Variants in LHFPL6 observed in about 807,000 individuals in gnomAD.
LHFPL6 encodes LHFPL tetraspan subfamily member 6.
Under a neutral mutation model 20.6 loss-of-function variants are expected in LHFPL6, and 9 were observed. The ratio of observed to expected loss-of-function variants is 0.44; its 90% CI spans 0.26 to 0.76. The LOEUF (loss-of-function observed/expected upper bound fraction) is 0.76, where lower values mean the gene tolerates loss of function less well. LHFPL6 is among the 30% of genes least tolerant of loss of function. The pLI is 0.20. For synonymous variants in LHFPL6, 105 were observed against 98.7 expected, an observed-to-expected ratio of 1.06 and a Z score of -0.38; for missense variants, 218 against 253.5, an observed-to-expected ratio of 0.86 and a Z score of 0.95.
At chr13:39,573,607 C>G (rs892216374) in intron 2 of LHFPL6, among the ~76,000 whole-genome samples, 14 of 151,960 alleles carry the variant, frequency 9.2e-5, no homozygotes, top group African/African-American at 3.4e-4. Context: ...TAACTTTTTA[C>G]AAAATACTTT....
intron 2 of LHFPL6, among the ~76,000 whole-genome samples, chr13:39,517,963 T>A (rs781541365): frequency 6.6e-6 from 1 of 152,210 alleles, no homozygotes; most frequent in South Asian, 2.1e-4. Context: ...GCCTGTGCCA[T>A]CTTCTCTAGC....
chr13:39,504,742 T>C (rs1292896980), intron 2 of LHFPL6, among the ~76,000 whole-genome samples: 1 of 152,258 alleles, frequency 6.6e-6, no homozygotes. Flanking sequence ...TCTGAGGTAC[T>C]GAAGGTTAGT....
chr13:39,552,735 G>GA (rs1382155014), intron 2 of LHFPL6, among the ~76,000 whole-genome samples: 2 of 152,332 alleles, frequency 1.3e-5, no homozygotes, highest in East Asian at 3.9e-4. Flanking sequence ...CAGCAACAGT[G>GA]AAAAAACAGC....
At chr13:39,562,101 A>T (rs1306738500) in intron 2 of LHFPL6, among the ~76,000 whole-genome samples, 1 of 152,178 alleles carries the variant, frequency 6.6e-6, no homozygotes, top group Admixed American at 6.5e-5. Context: ...GCATTTTAGC[A>T]TAAGAATATT....
chr13:39,425,175 T>A (rs546888935), intron 2 of LHFPL6, among the ~76,000 whole-genome samples: 6 of 152,194 alleles, frequency 3.9e-5, no homozygotes, highest in Admixed American at 3.9e-4. Flanking sequence ...ATAATACATA[T>A]GTACTCTTCA....
chr13:39,370,154 C>T (rs1021652403), intron 3 of LHFPL6, among the ~76,000 whole-genome samples: 4 of 152,116 alleles, frequency 2.6e-5, no homozygotes, highest in Admixed American at 1.3e-4. Context: ...TGTTGCCTTG[C>T]GGGTGCCTGA....
At chr13:39,583,185 T>TA (rs1338095941) in intron 2 of LHFPL6, among the ~76,000 whole-genome samples, 5 of 149,910 alleles carry the variant, frequency 3.3e-5, no homozygotes, top group Admixed American at 1.3e-4. Context: ...TTTTTTTTTT[T>TA]TTTTTTAAGA....
rs766963198 is a variant in LHFPL6, at chr13:39,598,356, T to C, written c.385+2476A>G. Among the ~76,000 whole-genome samples the C allele has an allele frequency of 4.1e-4, 63 of 152,250 alleles. 1 individual carries two copies. The highest frequency in any genetic ancestry group is 3.4e-3 in the Middle Eastern group (1 of 292). On this transcript the variant is annotated intron_variant, in intron 2 of 3. Coordinates refer to ENST00000379589, the MANE Select transcript of LHFPL6 (RefSeq NM_005780.3). The stretch of plus-strand genomic sequence containing the variant: ...AAACAGCAGATTCTTTAAAACTTTT[T>C]CCATATTTCAAGTTATTTTTTAATT...
chr13:39,510,340 T>C lies in LHFPL6; in HGVS notation c.385+90492A>G, dbSNP rs567623044. ...TTGTCCTTAATTATAAAACCTGTTT[T>C]CACCTGACACTTTTCCAGCAGTGTA... On this transcript the variant is annotated intron_variant, in intron 2 of 3. Coordinates refer to ENST00000379589, the MANE Select transcript of LHFPL6 (RefSeq NM_005780.3). Among the ~76,000 whole-genome samples, 426 of 152,348 alleles carry C rather than the reference T, an allele frequency of 2.8e-3. 3 individuals are homozygous for C. Among genetic ancestry groups the C allele is most frequent in the African/African-American group, 9.4e-3 (391 of 41,578 alleles).
intron 2 of LHFPL6, among the ~76,000 whole-genome samples, chr13:39,567,032 T>G (rs1481395000): frequency 1.6e-5 from 2 of 121,530 alleles, no homozygotes; most frequent in Non-Finnish European, 3.3e-5. Context: ...AGCCAGGGTT[T>G]TTTTTTTTTT....
intron 2 of LHFPL6, among the ~76,000 whole-genome samples, chr13:39,402,949 G>A (rs909548068): frequency 6.6e-6 from 1 of 152,220 alleles, no homozygotes; most frequent in African/African-American, 2.4e-5. Flanking sequence ...GACTCCCACA[G>A]TACTCAAGTC....
At chr13:39,585,360 T>C (rs900281920) in intron 2 of LHFPL6, among the ~76,000 whole-genome samples, 1 of 152,210 alleles carries the variant, frequency 6.6e-6, no homozygotes, top group Non-Finnish European at 1.5e-5. Flanking sequence ...GAACTATAAA[T>C]TACACTAGAT....
At chr13:39,401,608 G>A (rs1870992691) in intron 2 of LHFPL6, among the ~76,000 whole-genome samples, 1 of 152,160 alleles carries the variant, frequency 6.6e-6, no homozygotes, top group South Asian at 2.1e-4. Context: ...TTCCTTCTGA[G>A]TTGTTAAAAT....
rs115584737 is a variant in LHFPL6 at position 39,346,734 on chromosome 13, C to G, written c.485-2680G>C. Among the ~76,000 whole-genome samples, 937 of 152,220 alleles carry G rather than the reference C, an allele frequency of 6.2e-3. 9 individuals are homozygous for G. Among genetic ancestry groups the G allele is most frequent in the African/African-American group, 0.021 (887 of 41,524 alleles). ...GGCAGCTGTCTTTTTAAAAATCAATCAGATCAAGCCATGCTCTTACTTAAA... is the reference window on the plus strand; with the variant it reads ...GGCAGCTGTCTTTTTAAAAATCAATGAGATCAAGCCATGCTCTTACTTAAA... On this transcript the variant is annotated intron_variant, in intron 3 of 3. Transcript: ENST00000379589.
chr13:39,476,470 T>C (rs1042367977), intron 2 of LHFPL6, among the ~76,000 whole-genome samples: 1 of 152,252 alleles, frequency 6.6e-6, no homozygotes, highest in African/African-American at 2.4e-5. Flanking sequence ...ACATAACATG[T>C]GCCAAAGAAT....
intron 3 of LHFPL6, among the ~76,000 whole-genome samples, chr13:39,372,690 C>A (rs1870193656): frequency 6.6e-6 from 1 of 152,192 alleles, no homozygotes; most frequent in Admixed American, 6.5e-5. Context: ...TAAAAAAGTT[C>A]TCTCCAATTC....
chr13:39,574,178 G>T (rs1872026414), intron 2 of LHFPL6, among the ~76,000 whole-genome samples: 1 of 152,162 alleles, frequency 6.6e-6, no homozygotes, highest in South Asian at 2.1e-4. Flanking sequence ...ATCTTAGAAA[G>T]ATATAGTAAA....
intron 2 of LHFPL6, among the ~76,000 whole-genome samples, chr13:39,510,305 CT>C (rs1869647304): frequency 6.6e-6 from 1 of 152,190 alleles, no homozygotes; most frequent in Non-Finnish European, 1.5e-5. Flanking sequence ...ACCAAGTTTC[CT>C]TTATTTTTTT....
intron 2 of LHFPL6, among the ~76,000 whole-genome samples, chr13:39,435,846 C>G (rs1396162203): frequency 6.6e-6 from 1 of 152,012 alleles, no homozygotes; most frequent in African/African-American, 2.4e-5. Context: ...TCAAAACAAC[C>G]TATTGAAACA....
Sources: gnomAD v4.1 joint callset for allele counts (sites outside exome capture counted in the v4.1 genomes callset) on GRCh38, gnomAD v4.1.1 for gene constraint, MANE v1.5 for transcripts, NCBI Gene and HGNC (gene_info 2026-07-23, HGNC 2026-07-21) for gene names.